The following AAK1 variants were observed in gnomAD, a reference collection of about 807,000 sequenced individuals.
The protein encoded by AAK1 is AP2-associated protein kinase 1.
AAK1 carries 37 observed loss-of-function variants against 116.0 expected under a neutral mutation model. That is an observed-to-expected ratio of 0.32 (90% CI 0.25 to 0.42). The LOEUF is 0.42. Ranked by LOEUF, AAK1 falls within the 10% of genes least tolerant of loss-of-function variation. The pLI, the probability that AAK1 is intolerant of heterozygous loss-of-function variation, is 1.00. For missense variants in AAK1, 919 were observed against 1,170.6 expected, an observed-to-expected ratio of 0.79 and a Z score of 3.14; for synonymous variants, 458 against 439.9, an observed-to-expected ratio of 1.04 and a Z score of -0.51.
intron 16 of AAK1, among the ~76,000 whole-genome samples, chr2:69,502,049 T>C (rs1399213955): frequency 6.6e-6 from 1 of 152,094 alleles, no homozygotes; most frequent in Admixed American, 6.6e-5. Context: ...GAAGATTTTA[T>C]AAATCTAAGT....
At chr2:69,570,065 A>C (rs555906323) in intron 2 of AAK1, among the ~76,000 whole-genome samples, 3 of 152,246 alleles carry the variant, frequency 2.0e-5, no homozygotes, top group African/African-American at 7.2e-5. Flanking sequence ...TATACCAACA[A>C]CGTGATTGTA....
chr2:69,628,671 T>C (rs1421393179), intron 2 of AAK1, among the ~76,000 whole-genome samples: 1 of 152,224 alleles, frequency 6.6e-6, no homozygotes, highest in African/African-American at 2.4e-5. Context: ...ACCCATTTGA[T>C]GTTATACTGA....
In AAK1 at chr2:69,471,774, A is replaced by G; in HGVS notation, c.*4095T>C. 1 of 985,490 alleles carries G rather than the reference A, an allele frequency of 1.0e-6. No individual in the cohort carries two copies. The highest frequency in any genetic ancestry group is 1.2e-6 in the Non-Finnish European group (1 of 829,958). 61.0% of individuals were successfully genotyped at this position (985,490 alleles called of 1,614,324 possible). On this transcript the variant is annotated 3_prime_UTR_variant, in exon 22 of 22. Transcript: ENST00000409085. The stretch of plus-strand genomic sequence containing the variant: ...CCACATCATAGGCTGTCAGCCCCAA[A>G]GATCCCTTCATTCCCACAGCACTGC...
intron 2 of AAK1, among the ~76,000 whole-genome samples, chr2:69,580,339 C>T (rs780531451): frequency 6.6e-6 from 1 of 152,054 alleles, no homozygotes; most frequent in African/African-American, 2.4e-5. Flanking sequence ...TTCATGGGAC[C>T]ATCATGGACA....
chr2:69,603,071 G>A (rs1673648882), intron 2 of AAK1, among the ~76,000 whole-genome samples: 1 of 152,048 alleles, frequency 6.6e-6, no homozygotes, highest in Non-Finnish European at 1.5e-5. Context: ...CAAATATCAA[G>A]AAATTCATTA....
Position 69,466,918 on chromosome 2 carries a change from A to G in AAK1, c.*8951T>C. ...CAAACCCAGTCATTCATCTCCACATATACCATGACAGTTTTGGATTATGTA... is the reference window on the plus strand; with the variant it reads ...CAAACCCAGTCATTCATCTCCACATGTACCATGACAGTTTTGGATTATGTA... On this transcript the variant is annotated 3_prime_UTR_variant, in exon 22 of 22. Transcript: ENST00000409085. 1.0e-6 allele frequency: 1 copy of G among 985,430 alleles called. No individual in the cohort carries two copies. The highest frequency in any genetic ancestry group is 4.7e-5 in the South Asian group (1 of 21,278). 61.0% of individuals were successfully genotyped at this position (985,430 alleles called of 1,614,324 possible). A position where few individuals can be genotyped will look rare whatever the true frequency, so the allele number is the denominator to read the frequency against.
intron 17 of AAK1, among the ~76,000 whole-genome samples, chr2:69,491,927 T>C (rs1226389203): frequency 6.6e-6 from 1 of 152,138 alleles, no homozygotes; most frequent in Non-Finnish European, 1.5e-5. Flanking sequence ...TTTAGCTCTC[T>C]GGTCAAAGGC....
chr2:69,507,725 G>A, intron 14 of AAK1, 147 bp from the exon 15 acceptor site: 2 of 647,268 alleles, frequency 3.1e-6, no homozygotes, highest in Non-Finnish European at 4.6e-6. Flanking sequence ...TTTTTTTTTT[G>A]AGTCAGAGTT....
rs1674737763 is a variant in AAK1, at chr2:69,473,204, G to C, written c.*2665C>G. On this transcript the variant is annotated 3_prime_UTR_variant, in exon 22 of 22. Transcript: ENST00000409085. ...GCCAGGATGAGATCCCAGGTGGCCTGTCCTGCCCAGGCCTCTTCTCCCCCG... is the reference window on the plus strand; with the variant it reads ...GCCAGGATGAGATCCCAGGTGGCCTCTCCTGCCCAGGCCTCTTCTCCCCCG... 1 of 837,036 alleles carries C rather than the reference G, an allele frequency of 1.2e-6. No homozygotes were observed. Among genetic ancestry groups the C allele is most frequent in the African/African-American group, 1.8e-5 (1 of 54,116 alleles). 51.9% of individuals were successfully genotyped at this position (837,036 alleles called of 1,614,324 possible).
At chr2:69,594,419 T>C (rs1320193122) in intron 2 of AAK1, among the ~76,000 whole-genome samples, 1 of 152,234 alleles carries the variant, frequency 6.6e-6, no homozygotes, top group Non-Finnish European at 1.5e-5. Flanking sequence ...ATCGTGAGGA[T>C]AACTTTGAAC....
chr2:69,640,051 A>ACTCTCTCTCTCTCTCTCT (rs34183429), intron 2 of AAK1, among the ~76,000 whole-genome samples: 4 of 100,748 alleles, frequency 4.0e-5, no homozygotes, highest in South Asian at 3.0e-4. Context: ...ACACACACAC[A>ACTCTCTCTCTCTCTCTCT]CACTCTCTCT....
chr2:69,499,917 C>T (rs917549527), intron 16 of AAK1: 4 of 152,060 alleles, frequency 2.6e-5, no homozygotes, highest in African/African-American at 9.7e-5. Context: ...TTCATTTCTC[C>T]ACATTTTTAT....
chr2:69,596,519 G>A (rs1038391644), intron 2 of AAK1, among the ~76,000 whole-genome samples: 3 of 152,144 alleles, frequency 2.0e-5, no homozygotes, highest in Non-Finnish European at 4.4e-5. Context: ...ACCATGCCCG[G>A]GGAATTTTGA....
chr2:69,509,207 C>T (rs1221477179), intron 14 of AAK1, 24 bp downstream of exon 14: 1 of 1,609,492 alleles, frequency 6.2e-7, no homozygotes, highest in Non-Finnish European at 8.5e-7. Context: ...GAGGTAAGAA[C>T]AACAAAGAGG....
intron 8 of AAK1, among the ~76,000 whole-genome samples, chr2:69,528,175 C>T (rs535577321): frequency 6.6e-6 from 1 of 152,302 alleles, no homozygotes; most frequent in South Asian, 2.1e-4. Flanking sequence ...AAGAGAATGC[C>T]TGCTGCAAGT....
chr2:69,641,206 C>T lies in AAK1; in HGVS notation c.163+1672G>A, dbSNP rs181458293. 5.3e-5 allele frequency among the ~76,000 whole-genome samples: 8 copies of T among 152,318 alleles called. No homozygotes were observed. In the East Asian group the frequency reaches 1.2e-3, roughly 22 times the overall value. ...AGCATCATCCGTGATGAGACAACAT[C>T]CTAGCTGAACAAAACGCTCGTGGGC... On this transcript the variant is annotated intron_variant, in intron 2 of 21. Coordinates refer to ENST00000409085, the MANE Select transcript of AAK1 (RefSeq NM_014911.5).
rs1267249923 is a variant in AAK1 at position 69,463,983 on chromosome 2, A to G, written c.*11886T>C. On this transcript the variant is annotated 3_prime_UTR_variant, in exon 22 of 22. Coordinates refer to ENST00000409085, the MANE Select transcript of AAK1 (RefSeq NM_014911.5). ...TTTTAAGGCACTAATAATAAAGGGT[A>G]TGAAAAAAGCTAGGAATAAGTCAGA... 1 of 152,618 alleles carries G rather than the reference A, an allele frequency of 6.6e-6. No homozygotes were observed. The highest frequency in any genetic ancestry group is 2.4e-5 in the African/African-American group (1 of 41,434). The allele number at this position is 152,618 out of a possible 1,614,324, so 9.5% of individuals were successfully genotyped here.
Position 69,472,168 on chromosome 2 carries a change from A to G in AAK1, c.*3701T>C. On this transcript the variant is annotated 3_prime_UTR_variant, in exon 22 of 22. Transcript: ENST00000409085. Reference sequence around the variant, plus strand: ...TAAGTCTTAATCATGTTCACTTTCTATTATAAGGTCCTCTCTGAGAATTTT... The same window carrying G: ...TAAGTCTTAATCATGTTCACTTTCTGTTATAAGGTCCTCTCTGAGAATTTT... 1 of 983,598 alleles carries G rather than the reference A, an allele frequency of 1.0e-6. No individual in the cohort carries two copies. Among genetic ancestry groups the G allele is most frequent in the Non-Finnish European group, 1.2e-6 (1 of 828,242 alleles). 60.9% of individuals were successfully genotyped at this position (983,598 alleles called of 1,614,324 possible).
chr2:69,480,716 G>T, intron 19 of AAK1, 144 bp downstream of exon 19: 1 of 593,778 alleles, frequency 1.7e-6, no homozygotes. Flanking sequence ...AGAAGCCGGG[G>T]CTGTGACAAT....
Sources: gnomAD v4.1 joint callset for allele counts (sites outside exome capture counted in the v4.1 genomes callset) on GRCh38, gnomAD v4.1.1 for gene constraint, MANE v1.5 for transcripts, NCBI Gene and HGNC (gene_info 2026-07-23, HGNC 2026-07-21) for gene names.